GATAD2B: variants seen among roughly 807,000 people sequenced by gnomAD.
The protein encoded by GATAD2B is GATA zinc finger domain containing 2B.
Under a neutral mutation model 64.3 loss-of-function variants are expected in GATAD2B, and 8 were observed. The observed-to-expected ratio is 0.12, with a 90% CI of 0.07 to 0.22. The LOEUF is 0.22. Ranked by LOEUF, GATAD2B falls within the 10% of genes least tolerant of loss-of-function variation. The probability of loss-of-function intolerance (pLI) is 1.00; values close to 1 mark genes in which losing one functional copy is unlikely to be tolerated. For missense variants in GATAD2B, 453 were observed against 752.0 expected (o/e 0.60, Z 4.65); for synonymous variants, 281 against 271.3 (o/e 1.04, Z -0.35).
At chr1:153,913,215 A>G (rs1678159911) in intron 1 of GATAD2B, among the ~76,000 whole-genome samples, 1 of 152,128 alleles carries the variant, frequency 6.6e-6, no homozygotes, top group South Asian at 2.1e-4. Flanking sequence ...GGTGTGAGCC[A>G]CCACACCCAG....
chr1:153,921,335 T>C (rs1678422440), intron 1 of GATAD2B, among the ~76,000 whole-genome samples: 1 of 152,176 alleles, frequency 6.6e-6, no homozygotes, highest in South Asian at 2.1e-4. Flanking sequence ...AAGCTTACTT[T>C]TCACTTTGTA....
chr1:153,895,962 C>T (rs1677576360), intron 1 of GATAD2B, among the ~76,000 whole-genome samples: 1 of 149,122 alleles, frequency 6.7e-6, no homozygotes, highest in African/African-American at 2.5e-5. Flanking sequence ...GAGTTCAAGA[C>T]CAGCCTGGGC....
At chr1:153,831,506 TA>T (rs981463056) in intron 1 of GATAD2B, among the ~76,000 whole-genome samples, 8 of 147,130 alleles carry the variant, frequency 5.4e-5, no homozygotes, top group African/African-American at 1.7e-4. Context: ...AGTAAAATAA[TA>T]AAAAAAAAAG....
chr1:153,834,491 C>T (rs893301965), intron 1 of GATAD2B, among the ~76,000 whole-genome samples: 6 of 152,194 alleles, frequency 3.9e-5, no homozygotes, highest in Non-Finnish European at 7.4e-5. Flanking sequence ...CAGGTTCAAG[C>T]AATTCTCCTG....
rs1408978684 is a variant in GATAD2B at position 153,805,494 on chromosome 1, G to C, written c.*4683C>G. 6.6e-6 allele frequency: 1 copy of C among 152,160 alleles called. No homozygotes were observed. Among genetic ancestry groups the C allele is most frequent in the Non-Finnish European group, 1.5e-5 (1 of 68,030 alleles). The allele number at this position is 152,160 out of a possible 1,614,324, so 9.4% of individuals were successfully genotyped here. On this transcript the variant is annotated 3_prime_UTR_variant, in exon 11 of 11. Coordinates refer to ENST00000368655, the MANE Select transcript of GATAD2B (RefSeq NM_020699.4). Reference sequence around the variant, plus strand: ...GAGGCATAAAGGCAAAGATGTCACTGGTCTGATGCCCTGGACATGACTCTG... The same window carrying C: ...GAGGCATAAAGGCAAAGATGTCACTCGTCTGATGCCCTGGACATGACTCTG...
chr1:153,903,342 G>A (rs1305600464), intron 1 of GATAD2B, among the ~76,000 whole-genome samples: 1 of 152,126 alleles, frequency 6.6e-6, no homozygotes, highest in Non-Finnish European at 1.5e-5. Flanking sequence ...CTAAGACAGA[G>A]AAAAGCATCT....
intron 1 of GATAD2B, among the ~76,000 whole-genome samples, chr1:153,876,183 G>A (rs1431890173): frequency 2.4e-5 from 3 of 124,246 alleles, no homozygotes; most frequent in African/African-American, 6.2e-5. Flanking sequence ...AGCTGAGATC[G>A]CGCCACTACA....
At chr1:153,859,669 C>CA (rs1201956736) in intron 1 of GATAD2B, among the ~76,000 whole-genome samples, 15 of 118,298 alleles carry the variant, frequency 1.3e-4, no homozygotes, top group Admixed American at 3.8e-4. Flanking sequence ...GACTCCATCT[C>CA]AAAAAAAAAT....
intron 1 of GATAD2B, among the ~76,000 whole-genome samples, chr1:153,833,983 T>C (rs1259800437): frequency 1.3e-5 from 2 of 151,228 alleles, no homozygotes; most frequent in Non-Finnish European, 1.5e-5. Flanking sequence ...TCTCTCTTTT[T>C]TTTTATGTTT....
At chr1:153,867,838 C>G (rs1291801952) in intron 1 of GATAD2B, among the ~76,000 whole-genome samples, 1 of 151,026 alleles carries the variant, frequency 6.6e-6, no homozygotes, top group African/African-American at 2.4e-5. Flanking sequence ...CCATCCTTGG[C>G]GACAGAGTGA....
intron 1 of GATAD2B, among the ~76,000 whole-genome samples, chr1:153,833,127 A>C (rs1390715716): frequency 1.3e-5 from 2 of 152,160 alleles, no homozygotes; most frequent in Non-Finnish European, 2.9e-5. Flanking sequence ...GAGTTGCCTG[A>C]GCTCAGGATT....
intron 1 of GATAD2B, among the ~76,000 whole-genome samples, chr1:153,868,632 T>C (rs1472498012): frequency 6.6e-6 from 1 of 152,116 alleles, no homozygotes; most frequent in African/African-American, 2.4e-5. Flanking sequence ...TGTTAACATA[T>C]AAACACAGTA....
At chr1:153,860,999 G>T (rs1676261884) in intron 1 of GATAD2B, among the ~76,000 whole-genome samples, 1 of 152,156 alleles carries the variant, frequency 6.6e-6, no homozygotes, top group Non-Finnish European at 1.5e-5. Context: ...CTTGTTGAAT[G>T]AACTGGCTTT....
intron 1 of GATAD2B, among the ~76,000 whole-genome samples, chr1:153,854,166 G>A (rs1213529778): frequency 6.6e-6 from 1 of 152,176 alleles, no homozygotes; most frequent in Non-Finnish European, 1.5e-5. Context: ...ACTTTGGGAG[G>A]CTGAAACGGG....
At chr1:153,839,108 C>CAAAAAAAAAAAAAAAAAAAA (rs35262137) in intron 1 of GATAD2B, among the ~76,000 whole-genome samples, 63 of 78,566 alleles carry the variant, frequency 8.0e-4, no homozygotes, top group African/African-American at 2.5e-3. Flanking sequence ...GACCCTGTCT[C>CAAAAAAAAAAAAAAAAAAAA]AAAAAAAAAA....
intron 1 of GATAD2B, among the ~76,000 whole-genome samples, chr1:153,831,911 A>G (rs1675088905): frequency 6.6e-6 from 1 of 152,296 alleles, no homozygotes; most frequent in South Asian, 2.1e-4. Context: ...TGCTTTGCAG[A>G]TACTTTGTTA....
rs1307497378 is a variant in GATAD2B, at chr1:153,808,820, G to C, written c.*1357C>G. 7.6e-6 allele frequency: 1 copy of C among 130,780 alleles called. No individual in the cohort carries two copies. Among genetic ancestry groups the C allele is most frequent in the Non-Finnish European group, 1.6e-5 (1 of 62,706 alleles). 8.1% of individuals were successfully genotyped at this position (130,780 alleles called of 1,614,324 possible). A position where few individuals can be genotyped will look rare whatever the true frequency, so the allele number is the denominator to read the frequency against. On this transcript the variant is annotated 3_prime_UTR_variant, in exon 11 of 11. Transcript: ENST00000368655. Reference sequence around the variant, plus strand: ...CGCTTAAAAAAAAAAAAAAAAAAAAGGCAAAATTAATATCATTCTGGGGGC... The same window carrying C: ...CGCTTAAAAAAAAAAAAAAAAAAAACGCAAAATTAATATCATTCTGGGGGC...
chr1:153,900,976 G>A (rs1677749911), intron 1 of GATAD2B, among the ~76,000 whole-genome samples: 1 of 152,102 alleles, frequency 6.6e-6, no homozygotes, highest in South Asian at 2.1e-4. Context: ...AACTTTGGGA[G>A]GCCAAGGTGG....
intron 8 of GATAD2B, among the ~76,000 whole-genome samples, chr1:153,812,859 G>A (rs542112221): frequency 6.6e-6 from 1 of 152,222 alleles, no homozygotes; most frequent in East Asian, 1.9e-4. Context: ...TCTTCACTGG[G>A]CTACTTCATA....
Sources: allele counts gnomAD v4.1 joint callset (sites outside exome capture counted in the v4.1 genomes callset), GRCh38; gene constraint gnomAD v4.1.1; transcripts MANE v1.5; gene names NCBI Gene and HGNC (gene_info 2026-07-23, HGNC 2026-07-21).